DOCK3: variants seen among roughly 807,000 people sequenced by gnomAD.
DOCK3 encodes dedicator of cytokinesis protein 3.
A neutral mutation model predicts 265.6 loss-of-function variants in DOCK3; 60 were observed. That is an observed-to-expected ratio of 0.23 (90% CI 0.18 to 0.28). The LOEUF (loss-of-function observed/expected upper bound fraction) is 0.28. DOCK3 is among the 10% of genes least tolerant of loss of function. The pLI is 1.00. For missense variants in DOCK3, 1,981 were observed against 2,594.3 expected, an observed-to-expected ratio of 0.76 and a Z score of 5.14; for synonymous variants, 881 against 938.0, an observed-to-expected ratio of 0.94 and a Z score of 1.11.
At chr3:50,713,125 A>G (rs905969026) in intron 1 of DOCK3, among the ~76,000 whole-genome samples, 5 of 152,220 alleles carry the variant, frequency 3.3e-5, no homozygotes, top group African/African-American at 1.2e-4. Flanking sequence ...AGGAACCAGT[A>G]TGGTGCCTCA....
At chr3:51,165,370 A>G (rs1240870864) in intron 12 of DOCK3, among the ~76,000 whole-genome samples, 2 of 152,260 alleles carry the variant, frequency 1.3e-5, no homozygotes, top group Non-Finnish European at 2.9e-5. Flanking sequence ...ATGATTTGAT[A>G]TACATAAACA....
At chr3:51,354,808 G>T in intron 40 of DOCK3, 74 bp from the exon 41 acceptor site, 2 of 1,562,628 alleles carry the variant, frequency 1.3e-6, no homozygotes, top group Non-Finnish European at 8.7e-7. Flanking sequence ...GCTATATGTA[G>T]CTACTGACTC....
chr3:51,267,380 T>TC (rs1422231751), intron 23 of DOCK3, among the ~76,000 whole-genome samples: 3 of 150,072 alleles, frequency 2.0e-5, no homozygotes, highest in Non-Finnish European at 4.4e-5. Context: ...ATGGTTTTTT[T>TC]CTTTCTTTTT....
chr3:50,719,693 G>A (rs539967275), intron 1 of DOCK3: 39 of 1,518,178 alleles, frequency 2.6e-5, no homozygotes, highest in African/African-American at 1.9e-4. Flanking sequence ...ACAAGATGCC[G>A]GGACTTGTAT....
chr3:50,797,479 G>T (rs1254232432), intron 2 of DOCK3, among the ~76,000 whole-genome samples: 1 of 152,196 alleles, frequency 6.6e-6, no homozygotes, highest in African/African-American at 2.4e-5. Flanking sequence ...CCTCTCTGTT[G>T]TCCCGGACAG....
At chr3:51,233,340 A>G (rs1266783536) in intron 19 of DOCK3, among the ~76,000 whole-genome samples, 1 of 46,082 alleles carries the variant, frequency 2.2e-5, no homozygotes, top group South Asian at 1.1e-3. Flanking sequence ...CTATCTATCT[A>G]TCTATCTATC....
chr3:50,706,110 C>G (rs1283379249), intron 1 of DOCK3, among the ~76,000 whole-genome samples: 1 of 152,036 alleles, frequency 6.6e-6, no homozygotes, highest in Non-Finnish European at 1.5e-5. Context: ...GCCTGCTTCT[C>G]CTTTGCCTTC....
intron 22 of DOCK3, among the ~76,000 whole-genome samples, chr3:51,253,977 C>G (rs1455984174): frequency 1.3e-5 from 2 of 152,124 alleles, no homozygotes; most frequent in African/African-American, 4.8e-5. Context: ...AATTTTAGAT[C>G]TTTCCTGTTT....
chr3:50,780,190 G>A (rs1339700893), intron 2 of DOCK3, among the ~76,000 whole-genome samples: 1 of 152,138 alleles, frequency 6.6e-6, no homozygotes, highest in Non-Finnish European at 1.5e-5. Flanking sequence ...AGAATAGAAG[G>A]TAATTTTCTT....
intron 29 of DOCK3, 70 bp from the exon 30 acceptor site, chr3:51,312,406 G>A (rs1331690895): frequency 2.3e-6 from 3 of 1,293,842 alleles, no homozygotes; most frequent in Non-Finnish European, 3.3e-6. Context: ...CTACATGCAT[G>A]TATTTAGTAA....
chr3:51,193,188 C>T (rs1478358711), intron 12 of DOCK3, among the ~76,000 whole-genome samples: 2 of 151,980 alleles, frequency 1.3e-5, no homozygotes, highest in African/African-American at 4.8e-5. Context: ...TGATTTTTGT[C>T]CTTTATTCTG....
chr3:51,008,396 A>C (rs1175308329), intron 5 of DOCK3, among the ~76,000 whole-genome samples: 1 of 152,148 alleles, frequency 6.6e-6, no homozygotes, highest in Non-Finnish European at 1.5e-5. Context: ...AGCAATTGTG[A>C]ATGGGAGTTC....
chr3:50,791,194 C>T (rs1559642544), intron 2 of DOCK3, among the ~76,000 whole-genome samples: 1 of 151,258 alleles, frequency 6.6e-6, no homozygotes, highest in Non-Finnish European at 1.5e-5. Flanking sequence ...TCCTATGTTC[C>T]GAATGGTATT....
rs2078349862 is a variant in DOCK3 at position 51,236,364 on chromosome 3, A to G, written c.1937A>G (p.Asp646Gly). 1.2e-6 allele frequency: 2 copies of G among 1,613,556 alleles called. No homozygotes were observed. The change falls in exon 20 of 53, where the codon GAT becomes GGT. Residue 646 changes from aspartate (D) to glycine (G), a missense_variant. Coordinates refer to ENST00000266037, the MANE Select transcript of DOCK3 (RefSeq NM_004947.5). ...EIVKFLQDIL[D>G]TLFVILDDNT... ...TTTTAGTTTCTGCAGGACATCTTAG[A>G]TACACTCTTTGTGATTTTGGATGAT...
chr3:51,340,111 G>C (rs1457189508), intron 37 of DOCK3, among the ~76,000 whole-genome samples: 2 of 152,198 alleles, frequency 1.3e-5, no homozygotes, highest in Non-Finnish European at 2.9e-5. Context: ...GGGCATTGAA[G>C]AGAAAGACTT....
In DOCK3 at chr3:51,110,085, C is replaced by T. The variant is rs139920737; in HGVS notation, c.746+19701C>T. Among the ~76,000 whole-genome samples, 62 of 152,250 alleles carry T rather than the reference C, an allele frequency of 4.1e-4. No homozygotes were observed. The East Asian group carries it at 0.011, about 28-fold the overall frequency. On this transcript the variant is annotated intron_variant, in intron 9 of 52. Transcript: ENST00000266037. ...GAACAAATGGATAAATTCCTGGGTA[C>T]ATACACCCTCCCAAGACTGAACTAG...
intron 3 of DOCK3, among the ~76,000 whole-genome samples, chr3:50,860,453 T>A (rs2046856278): frequency 6.6e-6 from 1 of 152,144 alleles, no homozygotes. Flanking sequence ...ACTCATACAA[T>A]AATCTGGCCA....
chr3:51,341,418 C>T, intron 38 of DOCK3, 33 bp downstream of exon 38: 1 of 1,610,288 alleles, frequency 6.2e-7, no homozygotes. Flanking sequence ...TTTAGCCCTT[C>T]AGCTTCTGCT....
At chr3:51,157,263 T>C (rs1242866322) in intron 10 of DOCK3, among the ~76,000 whole-genome samples, 1 of 151,350 alleles carries the variant, frequency 6.6e-6, no homozygotes, top group Non-Finnish European at 1.5e-5. Context: ...ACATATTACT[T>C]TTTTTTTTGA....
Sources: gnomAD v4.1 joint callset for allele counts (sites outside exome capture counted in the v4.1 genomes callset) on GRCh38, gnomAD v4.1.1 for gene constraint, MANE v1.5 for transcripts, NCBI Gene and HGNC (gene_info 2026-07-23, HGNC 2026-07-21) for gene names.